Variants in HECTD4 observed in about 807,000 individuals in gnomAD.
The protein encoded by HECTD4 is probable E3 ubiquitin-protein ligase HECTD4.
In HECTD4, 114 loss-of-function variants were observed where a neutral mutation model predicts 471.5. That is an observed-to-expected ratio of 0.24 (90% CI 0.21 to 0.28). HECTD4 has a LOEUF of 0.28. HECTD4 is among the 10% of genes least tolerant of loss of function. HECTD4 has a pLI of 1.00. For synonymous variants in HECTD4, 2,012 were observed against 2,256.0 expected, an observed-to-expected ratio of 0.89 and a Z score of 3.07; for missense variants, 3,866 against 5,651.5, an observed-to-expected ratio of 0.68 and a Z score of 10.13.
intron 16 of HECTD4, among the ~76,000 whole-genome samples, chr12:112,264,436 G>A (rs934851389): frequency 6.6e-6 from 1 of 151,950 alleles, no homozygotes; most frequent in African/African-American, 2.4e-5. Context: ...TCACTAATTA[G>A]AATACTTACT....
At chr12:112,329,495 G>C (rs1254195829) in intron 1 of HECTD4, among the ~76,000 whole-genome samples, 2 of 151,740 alleles carry the variant, frequency 1.3e-5, no homozygotes, top group Admixed American at 6.6e-5. Flanking sequence ...AGCCTCCCGA[G>C]TAGCTGGGAT....
rs2033846166 is a variant in HECTD4, at chr12:112,250,077, T to C, written c.3950+67A>G. The C allele has an allele frequency of 2.0e-5, 21 of 1,037,848 alleles. No homozygotes were observed. In the South Asian group the frequency reaches 2.6e-4, roughly 13 times the overall value. The allele number at this position is 1,037,848 out of a possible 1,614,324, so 64.3% of individuals were successfully genotyped here. On this transcript the variant is annotated intron_variant, in intron 25 of 75. Coordinates refer to ENST00000682272, the MANE Select transcript of HECTD4 (RefSeq NM_001388303.1). ...CATTTACTAGACCACAGAAGAAATA[T>C]ACCCATTTCAATTGTTTAAACTTTT...
rs1030968418 is a variant in HECTD4 at position 112,250,983 on chromosome 12, T to C, written c.3704A>G (p.Lys1235Arg). 3.1e-6 allele frequency: 5 copies of C among 1,611,192 alleles called. No homozygotes were observed. The highest frequency in any genetic ancestry group is 1.6e-4 in the Middle Eastern group (1 of 6,076). ...ACCTTTTTGTTACCTTTGTAAAAGT[T>C]TGGACCGCAATAGCTCCTGACAGGC... ...EEACQELLRS[K>R]LLQRCQWQVE... is the part of the protein sequence containing the mutation. Residue 1235 changes from lysine to arginine, a missense_variant, in exon 24 of 76, where the codon AAA becomes AGA. Coordinates refer to ENST00000682272, the MANE Select transcript of HECTD4 (RefSeq NM_001388303.1).
chr12:112,362,197 T>A (rs2036462535), intron 1 of HECTD4, among the ~76,000 whole-genome samples: 1 of 152,248 alleles, frequency 6.6e-6, no homozygotes, highest in African/African-American at 2.4e-5. Context: ...CAACTGTATA[T>A]ATCTGTTTGA....
At chr12:112,199,694 A>G (rs1426792039) in intron 55 of HECTD4, among the ~76,000 whole-genome samples, 1 of 152,230 alleles carries the variant, frequency 6.6e-6, no homozygotes, top group Non-Finnish European at 1.5e-5. Flanking sequence ...CACTGAGGGC[A>G]GGCACATGCC....
rs117144644 is a variant in HECTD4 at position 112,350,252 on chromosome 12, C to T, written c.178-30510G>A. On this transcript the variant is annotated intron_variant, in intron 1 of 75. Transcript: ENST00000682272. The stretch of plus-strand genomic sequence containing the variant: ...GCATGAGCCACCACACCCAGCCATA[C>T]GATACTTTTTATTTGGATACCAAAT... 3.1e-3 allele frequency among the ~76,000 whole-genome samples: 470 copies of T among 152,254 alleles called. 2 individuals are homozygous for T. The highest frequency in any genetic ancestry group is 5.4e-3 in the South Asian group (26 of 4,824).
intron 11 of HECTD4, 48 bp from the exon 12 acceptor site, chr12:112,270,507 G>A: frequency 3.4e-6 from 5 of 1,454,714 alleles, no homozygotes; most frequent in Non-Finnish European, 3.9e-6. Flanking sequence ...CTCTATGGGT[G>A]GTCCCCAAAG....
intron 32 of HECTD4, among the ~76,000 whole-genome samples, chr12:112,242,298 T>A (rs541760358): frequency 2.2e-4 from 33 of 152,244 alleles, no homozygotes; most frequent in African/African-American, 7.9e-4. Context: ...ATCTATATAA[T>A]GTATATCTAT....
In HECTD4 at chr12:112,200,670, G is replaced by A; in HGVS notation, c.8535C>T (p.Val2845=). 2 of 1,613,936 alleles carry A rather than the reference G, an allele frequency of 1.2e-6. No homozygotes were observed. Among genetic ancestry groups the A allele is most frequent in the Non-Finnish European group, 1.7e-6 (2 of 1,179,866 alleles). Residue 2845 remains valine (V), a synonymous_variant, in exon 55 of 76, where the codon GTC becomes GTT. Coordinates refer to ENST00000682272, the MANE Select transcript of HECTD4 (RefSeq NM_001388303.1). ...GYRRTATNGL[V]TLDNTNLQIH... Reference sequence around the variant, plus strand: ...TTTGAAGGTTGGTATTGTCCAGTGTGACCAGCCCATTGGTGGCAGTCCTTC... The same window carrying A: ...TTTGAAGGTTGGTATTGTCCAGTGTAACCAGCCCATTGGTGGCAGTCCTTC...
rs746255951 is a variant in HECTD4, at chr12:112,175,838, G to T, written c.11492C>A (p.Thr3831Lys). The T allele has an allele frequency of 6.2e-7, 1 of 1,613,622 alleles. No homozygotes were observed. The highest frequency in any genetic ancestry group is 8.5e-7 in the Non-Finnish European group (1 of 1,179,752). The change falls in exon 66 of 76, where the codon ACG becomes AAG. Residue 3831 changes from threonine to lysine, a missense_variant. This residue lies in a region of HECTD4 where 715 missense variants were observed against 1,087.6 expected (regional missense o/e 0.66). Coordinates refer to ENST00000682272, the MANE Select transcript of HECTD4 (RefSeq NM_001388303.1). ...AACAAATTTGTGAAATCCTTCCAGC[G>T]TCAGGTATTTTTCCTCAGGGACTGG... ...KQEVPEEKYL[T>K]LEGFHKFVID...
Position 112,235,244 on chromosome 12 carries a change from T to C in HECTD4, c.5748A>G (p.Pro1916=), listed in dbSNP as rs1753542537. 2 of 1,613,746 alleles carry C rather than the reference T, an allele frequency of 1.2e-6. No individual in the cohort carries two copies. The highest frequency in any genetic ancestry group is 1.3e-5 in the African/African-American group (1 of 74,910). The change falls in exon 37 of 76, where the codon CCA becomes CCG. Residue 1916 remains proline, a synonymous_variant. Coordinates refer to ENST00000682272, the MANE Select transcript of HECTD4 (RefSeq NM_001388303.1). The surrounding 1 kb of genome is among the most constrained non-coding windows in gnomAD (Gnocchi z 5.0). ...VVPGCQTVLS[P]TASEPDTTLT... ...ATGTGGTGTCAGGTTCAGAAGCGGT[T>C]GGAGAAAGAACTGTCTGACATCCTT...
chr12:112,298,761 A>G (rs2035097749), intron 7 of HECTD4, among the ~76,000 whole-genome samples: 2 of 151,958 alleles, frequency 1.3e-5, no homozygotes, highest in African/African-American at 4.8e-5. Flanking sequence ...GGGCGCCTGT[A>G]ATCCCAGCTA....
At chr12:112,362,660 T>C (rs1006750845) in intron 1 of HECTD4, among the ~76,000 whole-genome samples, 2 of 152,140 alleles carry the variant, frequency 1.3e-5, no homozygotes, top group African/African-American at 4.8e-5. Context: ...AGCGTTATGT[T>C]AGCAAGGAGA....
At chr12:112,226,352 A>T in intron 44 of HECTD4, 1 of 255,146 alleles carries the variant, frequency 3.9e-6, no homozygotes, top group Non-Finnish European at 7.5e-6. Flanking sequence ...TAAATATTAT[A>T]GTTCTAATAG....
chr12:112,248,022 C>T lies in HECTD4; in HGVS notation c.4248+45G>A, dbSNP rs750378183. The stretch of plus-strand genomic sequence containing the variant: ...CACACACACAGTATATACCTTTGCT[C>T]TCTAAATGGCAATACCCCAGTGACA... On this transcript the variant is annotated intron_variant, in intron 27 of 75. Transcript: ENST00000682272. 5.8e-6 allele frequency: 8 copies of T among 1,375,398 alleles called. No homozygotes were observed. The Admixed American group carries it at 7.6e-5, about 13-fold the overall frequency. The allele number at this position is 1,375,398 out of a possible 1,614,324, so 85.2% of individuals were successfully genotyped here. A position where few individuals can be genotyped will look rare whatever the true frequency, so the allele number is the denominator to read the frequency against.
chr12:112,224,659 C>T (rs1376981800), intron 44 of HECTD4, among the ~76,000 whole-genome samples: 1 of 152,202 alleles, frequency 6.6e-6, no homozygotes, highest in Non-Finnish European at 1.5e-5. Flanking sequence ...TTAACAAGCA[C>T]TTCCCATACA....
At chr12:112,280,126 T>G (rs2034604568) in intron 8 of HECTD4, among the ~76,000 whole-genome samples, 1 of 152,218 alleles carries the variant, frequency 6.6e-6, no homozygotes, top group Non-Finnish European at 1.5e-5. Flanking sequence ...TAAACAGCTT[T>G]CAACATGAAA....
At chr12:112,311,606 C>T (rs1369847745) in intron 4 of HECTD4, among the ~76,000 whole-genome samples, 9 of 133,744 alleles carry the variant, frequency 6.7e-5, no homozygotes, top group African/African-American at 1.4e-4. Context: ...GGCAACAGAG[C>T]GAGACCCCAT....
intron 6 of HECTD4, 46 bp downstream of exon 6, chr12:112,308,706 TA>T (rs2035318061): frequency 6.7e-7 from 1 of 1,484,078 alleles, no homozygotes; most frequent in African/African-American, 1.4e-5. Flanking sequence ...GAACTTTCTT[TA>T]TTGCCTCTAA....
Sources: allele counts gnomAD v4.1 joint callset (sites outside exome capture counted in the v4.1 genomes callset), GRCh38; gene constraint gnomAD v4.1.1; regional missense constraint gnomAD v4.1.1; non-coding constraint Gnocchi (gnomAD v3.1); transcripts MANE v1.5; gene names NCBI Gene and HGNC (gene_info 2026-07-23, HGNC 2026-07-21).